Variants in MYO1D observed in about 807,000 individuals in gnomAD.
MYO1D encodes unconventional myosin-Id.
A neutral mutation model predicts 122.0 loss-of-function variants in MYO1D; 83 were observed. The observed-to-expected ratio is 0.68, with a 90% CI of 0.57 to 0.82. The LOEUF (loss-of-function observed/expected upper bound fraction) is 0.82, where lower values mean the gene tolerates loss of function less well. Among genes scored for constraint, MYO1D ranks in the 40% least tolerant of loss-of-function variants. The pLI is 0.00. For synonymous variants in MYO1D, 464 were observed against 446.9 expected, an observed-to-expected ratio of 1.04 and a Z score of -0.48; for missense variants, 1,157 against 1,269.5, an observed-to-expected ratio of 0.91 and a Z score of 1.35.
chr17:32,804,599 G>C (rs1324342267), intron 1 of MYO1D, among the ~76,000 whole-genome samples: 3 of 151,900 alleles, frequency 2.0e-5, no homozygotes, highest in Non-Finnish European at 4.4e-5. Flanking sequence ...ATTGGATGTT[G>C]CACTGGGGCA....
intron 16 of MYO1D, among the ~76,000 whole-genome samples, chr17:32,708,533 A>G (rs939562766): frequency 6.6e-6 from 1 of 152,220 alleles, no homozygotes; most frequent in Non-Finnish European, 1.5e-5. Flanking sequence ...ACTTCCCATT[A>G]AATTTCTATA....
chr17:32,860,332 C>T (rs1299514245), intron 1 of MYO1D, among the ~76,000 whole-genome samples: 2 of 152,126 alleles, frequency 1.3e-5, no homozygotes, highest in African/African-American at 4.8e-5. Flanking sequence ...TTTTTAGCTG[C>T]CCCCAACAGC....
chr17:32,615,192 C>T (rs2087755760), intron 20 of MYO1D, among the ~76,000 whole-genome samples: 1 of 152,144 alleles, frequency 6.6e-6, no homozygotes, highest in Non-Finnish European at 1.5e-5. Context: ...ATAGTTGGCA[C>T]TGGCTTTGGG....
intron 15 of MYO1D, among the ~76,000 whole-genome samples, chr17:32,717,130 ACTC>A (rs1156395849): frequency 2.6e-5 from 4 of 152,166 alleles, no homozygotes; most frequent in South Asian, 4.1e-4. Flanking sequence ...AATAATGTAT[ACTC>A]CTCAAGTGGT....
At position 32,718,407 on chromosome 17, in the gene MYO1D, C is replaced by T. The variant is rs73280083; in HGVS notation, c.1913+2616G>A. 3.4e-3 allele frequency among the ~76,000 whole-genome samples: 515 copies of T among 152,166 alleles called. 5 individuals are homozygous for T. The highest frequency in any genetic ancestry group is 0.012 in the African/African-American group (484 of 41,538). On this transcript the variant is annotated intron_variant, in intron 15 of 21. Coordinates refer to ENST00000318217, the MANE Select transcript of MYO1D (RefSeq NM_015194.3). ...TTGCTACACTTTTCTTCTTAAAATG[C>T]CATCTTCTGGCTGGGCGTGGTGGCT...
At chr17:32,778,739 A>G (rs891903986) in intron 2 of MYO1D, among the ~76,000 whole-genome samples, 166 bp from the exon 3 acceptor site, 9 of 152,232 alleles carry the variant, frequency 5.9e-5, no homozygotes, top group African/African-American at 2.2e-4. Flanking sequence ...CTGCCTTGAT[A>G]TGGTTAGTGG....
chr17:32,716,732 C>G (rs1261788991), intron 15 of MYO1D, among the ~76,000 whole-genome samples: 3 of 152,216 alleles, frequency 2.0e-5, no homozygotes, highest in Non-Finnish European at 4.4e-5. Context: ...GCTTCAGAAA[C>G]TGGATTGCTA....
At chr17:32,681,969 C>T in intron 16 of MYO1D, among the ~76,000 whole-genome samples, 2 of 126,050 alleles carry the variant, frequency 1.6e-5, no homozygotes, top group South Asian at 5.9e-4. Flanking sequence ...GGATAGTTAG[C>T]TCTTCTTGTT....
intron 13 of MYO1D, among the ~76,000 whole-genome samples, chr17:32,741,960 A>G (rs2089777878): frequency 6.7e-6 from 1 of 149,900 alleles, no homozygotes; most frequent in Admixed American, 6.7e-5. Context: ...GCTTGCAGTG[A>G]GCCGAGATCG....
chr17:32,829,032 G>T (rs752350325), intron 1 of MYO1D, among the ~76,000 whole-genome samples: 3 of 152,152 alleles, frequency 2.0e-5, no homozygotes, highest in African/African-American at 7.2e-5. Flanking sequence ...CACACAGACA[G>T]GAGAAAATAA....
intron 21 of MYO1D, among the ~76,000 whole-genome samples, chr17:32,572,901 T>C (rs533622805): frequency 2.8e-4 from 43 of 152,256 alleles, no homozygotes; most frequent in Non-Finnish European, 4.9e-4. Context: ...TCTCCCTAGC[T>C]ATGCTCTTTC....
intron 20 of MYO1D, chr17:32,632,574 TATATATATATATACACACACACACAC>T (rs1304818922): frequency 4.5e-5 from 5 of 111,514 alleles, no homozygotes; most frequent in African/African-American, 2.2e-4. Context: ...TATATATATA[TATATATATATATACACACACACACAC>T]ACACACACAC....
chr17:32,633,724 C>G (rs1471001533), intron 20 of MYO1D, among the ~76,000 whole-genome samples: 5 of 151,940 alleles, frequency 3.3e-5, no homozygotes, highest in Non-Finnish European at 7.4e-5. Flanking sequence ...CCTCCCTGCT[C>G]GTGTCTCTGT....
chr17:32,608,785 T>C (rs2087662370), intron 20 of MYO1D, among the ~76,000 whole-genome samples: 1 of 152,156 alleles, frequency 6.6e-6, no homozygotes. Flanking sequence ...AAACAAACTG[T>C]GGTACATTTA....
intron 21 of MYO1D, among the ~76,000 whole-genome samples, chr17:32,533,586 C>T (rs770944598): frequency 3.8e-4 from 58 of 152,022 alleles, no homozygotes; most frequent in Admixed American, 1.8e-3. Context: ...TCTCTTTTAG[C>T]TCCTCAATTC....
intron 14 of MYO1D, 77 bp from the exon 15 acceptor site, chr17:32,721,266 G>GT: frequency 1.5e-6 from 2 of 1,355,182 alleles, no homozygotes; most frequent in South Asian, 2.6e-5. Flanking sequence ...TGTAATTAGT[G>GT]TTAATTGTGT....
At chr17:32,684,554 A>C (rs892214680) in intron 16 of MYO1D, among the ~76,000 whole-genome samples, 1 of 152,192 alleles carries the variant, frequency 6.6e-6, no homozygotes, top group Non-Finnish European at 1.5e-5. Context: ...CTGATCTGTA[A>C]AAAGGCCCTG....
At chr17:32,524,145 A>G (rs1910255519) in intron 21 of MYO1D, among the ~76,000 whole-genome samples, 1 of 152,146 alleles carries the variant, frequency 6.6e-6, no homozygotes, top group Non-Finnish European at 1.5e-5. Flanking sequence ...GTGCTTTTCT[A>G]TGTTTGGGAA....
At chr17:32,836,283 T>C (rs572965478) in intron 1 of MYO1D, among the ~76,000 whole-genome samples, 35 of 152,236 alleles carry the variant, frequency 2.3e-4, no homozygotes, top group Admixed American at 6.5e-4. Flanking sequence ...TACTGAAGCT[T>C]AGGAAAATTA....
Sources: allele counts gnomAD v4.1 joint callset (sites outside exome capture counted in the v4.1 genomes callset), GRCh38; gene constraint gnomAD v4.1.1; transcripts MANE v1.5; gene names NCBI Gene and HGNC (gene_info 2026-07-23, HGNC 2026-07-21).